DNM1: variants seen among roughly 807,000 people sequenced by gnomAD.
The protein encoded by DNM1 is dynamin 1, also known as dynamin-1.
DNM1 carries 29 observed loss-of-function variants against 104.6 expected under a neutral mutation model. That is an observed-to-expected ratio of 0.28 (90% confidence interval 0.21 to 0.38). The LOEUF (loss-of-function observed/expected upper bound fraction) is 0.38, where lower values mean the gene tolerates loss of function less well. Ranked by LOEUF, DNM1 falls within the 10% of genes least tolerant of loss-of-function variation. DNM1 has a pLI of 1.00. For synonymous variants in DNM1, 445 were observed against 475.8 expected (o/e 0.94, Z 0.84); for missense variants, 640 against 1,189.4 (o/e 0.54, Z 6.79).
intron 15 of DNM1, among the ~76,000 whole-genome samples, chr9:128,242,981 C>T (rs535028434): frequency 1.0e-3 from 155 of 152,266 alleles, no homozygotes; most frequent in Non-Finnish European, 2.0e-3. Flanking sequence ...CGCTGCAGGG[C>T]GTGCCGCCTC....
At chr9:128,242,470 C>G in intron 15 of DNM1, 125 bp downstream of exon 15, 1 of 595,252 alleles carries the variant, frequency 1.7e-6, no homozygotes, top group South Asian at 2.2e-5. Flanking sequence ...GTCAAAGATC[C>G]GTGGGCAGGC....
At chr9:128,217,537 C>T (rs1322735949) in intron 1 of DNM1, among the ~76,000 whole-genome samples, 3 of 152,196 alleles carry the variant, frequency 2.0e-5, no homozygotes, top group African/African-American at 7.2e-5. Context: ...CTGCCTCAGC[C>T]TCCCAAATAG....
intron 14 of DNM1, among the ~76,000 whole-genome samples, chr9:128,241,301 C>T (rs1308960050): frequency 6.6e-6 from 1 of 152,122 alleles, no homozygotes; most frequent in African/African-American, 2.4e-5. Flanking sequence ...GACCCATGAC[C>T]AGTACCTGGC....
At position 128,242,350 on chromosome 9, in the gene DNM1, GTCAAGGGCCAGTGGTCA is replaced by G. The variant is rs757200024; in HGVS notation, c.1671+13_1671+29del. 2 of 1,535,754 alleles carry G rather than the reference GTCAAGGGCCAGTGGTCA, an allele frequency of 1.3e-6. No homozygotes were observed. Among genetic ancestry groups the G allele is most frequent in the South Asian group, 2.2e-5 (2 of 89,468 alleles). On this transcript the variant is annotated splice_donor_region_variant and intron_variant, in intron 15 of 21. Transcript: ENST00000372923. ...TCCTGGTACAAGGATGATGAGGTGA[GTCAAGGGCCAGTGGTCA>G]TCAAGGGGCTGGGCTGGTGGACAGA...
At position 128,218,844 on chromosome 9, in the gene DNM1, C is replaced by G; in HGVS notation, c.385+113C>G. 1 of 1,392,568 alleles carries G rather than the reference C, an allele frequency of 7.2e-7. No individual in the cohort carries two copies. Among genetic ancestry groups the G allele is most frequent in the South Asian group, 1.4e-5 (1 of 71,162 alleles). 86.3% of individuals were successfully genotyped at this position (1,392,568 alleles called of 1,614,324 possible). On this transcript the variant is annotated intron_variant, in intron 3 of 21. Transcript: ENST00000372923. The surrounding 1 kb of genome is among the most constrained non-coding windows in gnomAD (Gnocchi z 4.8). ...CCCTAGAATGACCCTGCCTCTGCAT[C>G]ATCCTATTCCAAGCTCCACCCTGCC...
chr9:128,238,612 A>C (rs956835462), intron 11 of DNM1, among the ~76,000 whole-genome samples: 1 of 151,832 alleles, frequency 6.6e-6, no homozygotes, highest in African/African-American at 2.4e-5. Context: ...TTCTTCTATG[A>C]ATTATTCATC....
At chr9:128,238,922 T>C (rs1254873286) in intron 11 of DNM1, among the ~76,000 whole-genome samples, 3 of 152,238 alleles carry the variant, frequency 2.0e-5, no homozygotes, top group Non-Finnish European at 4.4e-5. Context: ...CCCAAAGTGC[T>C]GGGATTACAG....
At chr9:128,234,629 C>T (rs1835899847) in intron 11 of DNM1, among the ~76,000 whole-genome samples, 1 of 152,224 alleles carries the variant, frequency 6.6e-6, no homozygotes, top group African/African-American at 2.4e-5. Flanking sequence ...CCACCTCAGC[C>T]TCCCAAAGTG....
At chr9:128,208,608 A>C (rs1834109253) in intron 1 of DNM1, among the ~76,000 whole-genome samples, 1 of 152,214 alleles carries the variant, frequency 6.6e-6, no homozygotes, top group African/African-American at 2.4e-5. Flanking sequence ...TGGATGGGGC[A>C]GAGGGAACTA....
chr9:128,209,556 A>G (rs1337870601), intron 1 of DNM1, among the ~76,000 whole-genome samples: 1 of 152,182 alleles, frequency 6.6e-6, no homozygotes, highest in Non-Finnish European at 1.5e-5. Context: ...TCCCACCATA[A>G]CAAACACACC....
intron 1 of DNM1, among the ~76,000 whole-genome samples, chr9:128,209,545 C>T (rs904195012): frequency 6.6e-6 from 1 of 152,166 alleles, no homozygotes; most frequent in Non-Finnish European, 1.5e-5. Flanking sequence ...ACATTCTGCC[C>T]TCCCACCATA....
chr9:128,239,567 CGTGTGTGTGTGTGTGTGTGTGTGTGT>C, intron 12 of DNM1, 52 bp downstream of exon 12: 13 of 882,472 alleles, frequency 1.5e-5, no homozygotes, highest in East Asian at 1.3e-4. Flanking sequence ...GAGAAGGTAA[CGTGTGTGTGTGTGTGTGTGTGTGTGT>C]GTGTGTGTGT....
rs1834937125 is a variant in DNM1 at position 128,220,889 on chromosome 9, C to CTTTCTTTCTTTCTTTT, written c.849+563_849+564insTTTTCTTTCTTTCTTT. Among the ~76,000 whole-genome samples, 2 of 74,396 alleles carry CTTTCTTTCTTTCTTTT rather than the reference C, an allele frequency of 2.7e-5. No individual in the cohort carries two copies. The highest frequency in any genetic ancestry group is 1.2e-4 in the Admixed American group (1 of 8,246). 48.8% of individuals were successfully genotyped at this position (74,396 alleles called of 152,430 possible). The stretch of plus-strand genomic sequence containing the variant: ...TATTTCTTTTTTCTTTATTTGTTTT[C>CTTTCTTTCTTTCTTTT]TTTCTTTCTTTCTTTCTTTCTTTCT... On this transcript the variant is annotated intron_variant, in intron 6 of 21. Coordinates refer to ENST00000372923, the MANE Select transcript of DNM1 (RefSeq NM_004408.4). This position sits in a 1 kb window ranked among gnomAD's most constrained non-coding sequence, Gnocchi z 5.2.
intron 1 of DNM1, among the ~76,000 whole-genome samples, chr9:128,213,000 T>A (rs796760007): frequency 1.7e-4 from 26 of 152,382 alleles, no homozygotes; most frequent in African/African-American, 6.3e-4. Flanking sequence ...TGATGAATGA[T>A]AAAATGTTTA....
chr9:128,250,996 G>C, intron 21 of DNM1, 56 bp downstream of exon 21: 1 of 1,093,670 alleles, frequency 9.1e-7, no homozygotes, highest in Non-Finnish European at 1.3e-6. Flanking sequence ...GGCCGGGAGG[G>C]AAATGGGGCT....
rs76202430 is a variant in DNM1, at chr9:128,239,806, G to A, written c.1545+27G>A. 0.011 allele frequency: 16,942 copies of A among 1,606,078 alleles called. 471 individuals carry two copies. Among genetic ancestry groups the A allele is most frequent in the East Asian group, 0.078 (3,502 of 44,832 alleles). The stretch of plus-strand genomic sequence containing the variant: ...TGAGTGGGGCCCAGCACCCCAGCCC[G>A]AGGGATGGAGGGTGCCGGACGGACA... On this transcript the variant is annotated intron_variant, in intron 13 of 21. Transcript: ENST00000372923.
chr9:128,229,600 C>CAAAAAAAAAAAAAAAAAAAA (rs56072236), intron 10 of DNM1, among the ~76,000 whole-genome samples: 1 of 66,674 alleles, frequency 1.5e-5, no homozygotes, highest in Non-Finnish European at 2.6e-5. Context: ...AAAACCTTAT[C>CAAAAAAAAAAAAAAAAAAAA]AAAAAAAAAA....
rs951478214 is a variant in DNM1, at chr9:128,222,150, GC to G, written c.850-44del. The stretch of plus-strand genomic sequence containing the variant: ...CCCCTGGCATCCAAGTCCCTTCCTG[GC>G]CCTGTGACCATCTGTCCTCAACCCT... On this transcript the variant is annotated intron_variant, in intron 6 of 21. Coordinates refer to ENST00000372923, the MANE Select transcript of DNM1 (RefSeq NM_004408.4). This position sits in a 1 kb window ranked among gnomAD's most constrained non-coding sequence, Gnocchi z 7.8. The G allele has an allele frequency of 6.4e-7, 1 of 1,571,786 alleles. No homozygotes were observed. The highest frequency in any genetic ancestry group is 8.6e-7 in the Non-Finnish European group (1 of 1,157,288).
intron 11 of DNM1, among the ~76,000 whole-genome samples, chr9:128,237,089 T>C (rs1836061611): frequency 6.6e-6 from 1 of 152,186 alleles, no homozygotes. Context: ...TTTGTGGACT[T>C]TGAGGCTAAG....
Sources: gnomAD v4.1 joint callset for allele counts (sites outside exome capture counted in the v4.1 genomes callset) on GRCh38, gnomAD v4.1.1 for gene constraint, Gnocchi (gnomAD v3.1) non-coding constraint, MANE v1.5 for transcripts, NCBI Gene and HGNC (gene_info 2026-07-23, HGNC 2026-07-21) for gene names.